HPR: variants seen among roughly 807,000 people sequenced by gnomAD.
HPR encodes the protein Haptoglobin-related locus.
In HPR, 17 loss-of-function variants were observed where a neutral mutation model predicts 18.5. That is an observed-to-expected ratio of 0.92 (90% confidence interval 0.63 to 1.38). HPR has a LOEUF of 1.38. Among genes scored for constraint, HPR ranks in the 40% most tolerant of loss-of-function variants. The probability of loss-of-function intolerance (pLI) is 0.00; values close to 1 mark genes in which losing one functional copy is unlikely to be tolerated. For synonymous variants in HPR, 176 were observed against 165.0 expected (o/e 1.07, Z -0.51); for missense variants, 457 against 432.4 (o/e 1.06, Z -0.51).
chr16:72,066,610 A>C (rs2041601002), intron 1 of HPR, among the ~76,000 whole-genome samples: 2 of 152,206 alleles, frequency 1.3e-5, no homozygotes, highest in African/African-American at 4.8e-5. Flanking sequence ...GGGACCTATA[A>C]GATTCCTAGA....
chr16:72,074,309 G>A lies in HPR; in HGVS notation c.117G>A (p.Glu39=). ...ISDDRFPKPP[E]IANGYVEHLF... Reference sequence around the variant, plus strand: ...ATGACCGCTTCCCGAAGCCCCCTGAGATTGCAAATGGCTATGTGGAGCACT... The same window carrying A: ...ATGACCGCTTCCCGAAGCCCCCTGAAATTGCAAATGGCTATGTGGAGCACT... Residue 39 remains glutamate (E), a synonymous_variant, in exon 3 of 5, where the codon GAG becomes GAA. Coordinates refer to ENST00000540303, the MANE Select transcript of HPR (RefSeq NM_020995.4). 2 of 1,614,084 alleles carry A rather than the reference G, an allele frequency of 1.2e-6. No individual in the cohort carries two copies. The highest frequency in any genetic ancestry group is 1.7e-6 in the Non-Finnish European group (2 of 1,179,988).
chr16:72,067,817 A>C (rs1197611091), intron 1 of HPR, among the ~76,000 whole-genome samples: 1 of 152,126 alleles, frequency 6.6e-6, no homozygotes, highest in Non-Finnish European at 1.5e-5. Flanking sequence ...CTGGTGAAAG[A>C]CCTCAGAGCC....
At chr16:72,072,986 C>A (rs980749033) in intron 1 of HPR, among the ~76,000 whole-genome samples, 4 of 152,272 alleles carry the variant, frequency 2.6e-5, no homozygotes, top group African/African-American at 7.2e-5. Flanking sequence ...GGTAAACAAC[C>A]TTCCCGCCAG....
In HPR at chr16:72,076,799, T is replaced by C. The variant is rs2041733792; in HGVS notation, c.765T>C (p.Tyr255=). Residue 255 remains tyrosine, a synonymous_variant, in exon 5 of 5, where the codon TAT becomes TAC. Coordinates refer to ENST00000540303, the MANE Select transcript of HPR (RefSeq NM_020995.4). ...ACCAATACGATTGCATAACGCATTA[T>C]GAAGGCAGCACATGCCCCAAATGGA... ...VADQYDCITH[Y]EGSTCPKWKA... is the part of the protein sequence containing the mutation. 6.2e-7 allele frequency: 1 copy of C among 1,614,258 alleles called. No individual in the cohort carries two copies. Among genetic ancestry groups the C allele is most frequent in the East Asian group, 2.2e-5 (1 of 44,884 alleles).
chr16:72,076,332 C>G lies in HPR; in HGVS notation c.298C>G (p.Pro100Ala), dbSNP rs560060008. Residue 100 changes from proline (P) to alanine (A), a missense_variant, in exon 5 of 5, where the codon CCA becomes GCA. Pro to Ala is a conservative substitution (Grantham distance 27). Transcript: ENST00000540303. ...TGGGAAGCCCAAGAATCCGGCAAACCCAGTGCAGCGGATCCTGGGTGGACA... is the reference window on the plus strand; with the variant it reads ...TGGGAAGCCCAAGAATCCGGCAAACGCAGTGCAGCGGATCCTGGGTGGACA... ...VCGKPKNPANPVQRILGGHLD... is the reference protein window; with the variant it reads ...VCGKPKNPANAVQRILGGHLD... The G allele has an allele frequency of 2.7e-4, 435 of 1,613,864 alleles. 1 individual carries two copies. The highest frequency in any genetic ancestry group is 1.5e-3 in the Admixed American group (88 of 59,986).
intron 3 of HPR, 136 bp downstream of exon 3, chr16:72,074,521 G>T: frequency 1.2e-6 from 1 of 846,694 alleles, no homozygotes. Flanking sequence ...TCTGATAAGC[G>T]TTTTGTCGCC....
intron 1 of HPR, 49 bp from the exon 2 acceptor site, chr16:72,073,843 G>T: frequency 6.2e-7 from 1 of 1,612,750 alleles, no homozygotes. Context: ...TGCATGTGCT[G>T]TGAAGCAGGG....
rs1597421748 is a variant in HPR at position 72,076,790 on chromosome 16, A to G, written c.756A>G (p.Ile252Met). The change falls in exon 5 of 5, where the codon ATA (isoleucine) becomes ATG (methionine). Residue 252 changes from isoleucine (I) to methionine (M), a missense_variant. Coordinates refer to ENST00000540303, the MANE Select transcript of HPR (RefSeq NM_020995.4). ...MLPVADQYDC[I>M]THYEGSTCPK... ...CTGTGGCTGACCAATACGATTGCAT[A>G]ACGCATTATGAAGGCAGCACATGCC... 1 of 1,614,264 alleles carries G rather than the reference A, an allele frequency of 6.2e-7. No homozygotes were observed. The highest frequency in any genetic ancestry group is 2.2e-5 in the East Asian group (1 of 44,888).
At chr16:72,067,058 G>A (rs2041605610) in intron 1 of HPR, among the ~76,000 whole-genome samples, 2 of 152,138 alleles carry the variant, frequency 1.3e-5, no homozygotes, top group Non-Finnish European at 2.9e-5. Flanking sequence ...AGAGGGGAAG[G>A]ACAAGATAAG....
intron 1 of HPR, among the ~76,000 whole-genome samples, chr16:72,067,905 T>G (rs1385318071): frequency 2.6e-5 from 4 of 152,140 alleles, no homozygotes; most frequent in African/African-American, 9.7e-5. Flanking sequence ...CATATAATCA[T>G]CAATGGTTTA....
chr16:72,071,682 C>T (rs1291762580), intron 1 of HPR, among the ~76,000 whole-genome samples: 7 of 152,186 alleles, frequency 4.6e-5, no homozygotes, highest in South Asian at 2.1e-4. Context: ...CATCCTCGAG[C>T]GGATGTATGG....
chr16:72,068,502 G>A (rs748314480), intron 1 of HPR, among the ~76,000 whole-genome samples: 6 of 152,130 alleles, frequency 3.9e-5, no homozygotes, highest in South Asian at 2.1e-4. Flanking sequence ...TAAAGAGGTC[G>A]ATCAGGTCAA....
chr16:72,075,004 T>G (rs566525732), intron 3 of HPR, 141 bp from the exon 4 acceptor site: 1 of 1,334,124 alleles, frequency 7.5e-7, no homozygotes, highest in East Asian at 2.5e-5. Flanking sequence ...TTCCTCCTTC[T>G]CGTATTCTCT....
intron 1 of HPR, among the ~76,000 whole-genome samples, chr16:72,068,012 A>C (rs901725772): frequency 1.3e-5 from 2 of 152,186 alleles, no homozygotes; most frequent in African/African-American, 4.8e-5. Context: ...AGTTAGGGTG[A>C]AAACAATGGT....
At chr16:72,069,743 C>T (rs1436108447) in intron 1 of HPR, among the ~76,000 whole-genome samples, 4 of 152,118 alleles carry the variant, frequency 2.6e-5, no homozygotes, top group Non-Finnish European at 4.4e-5. Flanking sequence ...CTAAGAAAAC[C>T]GCCCCTTGGA....
chr16:72,064,039 C>T (rs1368855992), intron 1 of HPR, among the ~76,000 whole-genome samples: 1 of 152,136 alleles, frequency 6.6e-6, no homozygotes, highest in African/African-American at 2.4e-5. Context: ...CGCACCCTGC[C>T]TAGAAACTAT....
chr16:72,071,234 G>C (rs770215881), intron 1 of HPR, among the ~76,000 whole-genome samples: 1 of 152,148 alleles, frequency 6.6e-6, no homozygotes, highest in African/African-American at 2.4e-5. Flanking sequence ...CGGTTGTAAA[G>C]GTAAAAAATT....
chr16:72,073,981 A>G lies in HPR; in HGVS notation c.91+4A>G, dbSNP rs2041687248. On this transcript the variant is annotated splice_donor_region_variant and intron_variant, in intron 2 of 4. Coordinates refer to ENST00000540303, the MANE Select transcript of HPR (RefSeq NM_020995.4). ...AATGATGTCACGGATATTTCAGGTC[A>G]GTCTTTGAGTTGGGTAGGAGCATGC... The G allele has an allele frequency of 6.2e-7, 1 of 1,613,892 alleles. No individual in the cohort carries two copies. The highest frequency in any genetic ancestry group is 1.3e-5 in the African/African-American group (1 of 74,910).
Position 72,076,721 on chromosome 16 carries a change from T to G in HPR, c.687T>G (p.Ser229Arg). 1 of 1,614,168 alleles carries G rather than the reference T, an allele frequency of 6.2e-7. No homozygotes were observed. The highest frequency in any genetic ancestry group is 8.5e-7 in the Non-Finnish European group (1 of 1,180,030). Residue 229 changes from serine (S) to arginine (R), a missense_variant, in exon 5 of 5, where the codon AGT (serine) becomes AGG (arginine). Coordinates refer to ENST00000540303, the MANE Select transcript of HPR (RefSeq NM_020995.4). ...RVGYVSGWGQ[S>R]DNFKLTDHLK... is the part of the protein sequence containing the mutation. ...GTTACGTGTCTGGCTGGGGACAAAG[T>G]GACAACTTTAAACTTACTGACCATC...
Sources: allele counts gnomAD v4.1 joint callset (sites outside exome capture counted in the v4.1 genomes callset), GRCh38; gene constraint gnomAD v4.1.1; transcripts MANE v1.5; gene names NCBI Gene and HGNC (gene_info 2026-07-23, HGNC 2026-07-21).